Variants in CNKSR2 observed in about 807,000 individuals in gnomAD.
CNKSR2 encodes the protein connector enhancer of kinase suppressor of Ras 2.
In CNKSR2, 14 loss-of-function variants were observed where a neutral mutation model predicts 84.4. That is an observed-to-expected ratio of 0.17 (90% CI 0.11 to 0.26). The LOEUF is 0.26. CNKSR2 is among the 10% of genes least tolerant of loss of function. The pLI is 1.00. For missense variants in CNKSR2, 485 were observed against 771.2 expected (o/e 0.63, Z 4.40); for synonymous variants, 275 against 277.9 (o/e 0.99, Z 0.10).
intron 19 of CNKSR2, among the ~76,000 whole-genome samples, chrX:21,607,213 T>G (rs1480305851): frequency 8.9e-6 from 1 of 112,041 alleles, no homozygotes; most frequent in Non-Finnish European, 1.9e-5. Flanking sequence ...ACCTTATCTA[T>G]TCCACACTAA....
Position 21,502,002 on chromosome X carries a change from A to T in CNKSR2, c.810+414A>T, listed in dbSNP as rs138160589. On this transcript the variant is annotated intron_variant, in intron 8 of 21. Transcript: ENST00000379510. ...AACAGCATACATCCATTTATCTAAC[A>T]TTGATTTGTTCATTAAAGTATCTGG... 3.4e-3 allele frequency among the ~76,000 whole-genome samples: 374 copies of T among 108,885 alleles called. 8 individuals carry two copies. In the East Asian group the frequency reaches 0.08, roughly 23 times the overall value. The allele number at this position is 108,885 out of a possible 115,157, so 94.6% of individuals were successfully genotyped here. A position where few individuals can be genotyped will look rare whatever the true frequency, so the allele number is the denominator to read the frequency against.
chrX:21,518,637 AAAAAGGAC>A (rs2091752575), intron 9 of CNKSR2, among the ~76,000 whole-genome samples: 1 of 111,364 alleles, frequency 9.0e-6, no homozygotes, highest in Non-Finnish European at 1.9e-5. Context: ...AAACCTAGAG[AAAAAGGAC>A]TTTAATTTTA....
intron 11 of CNKSR2, among the ~76,000 whole-genome samples, chrX:21,547,746 G>T (rs949480357): frequency 9.0e-6 from 1 of 111,502 alleles, no homozygotes; most frequent in Non-Finnish European, 1.9e-5. Context: ...ACCACAGTGC[G>T]ATCAAATTAG....
chrX:21,445,699 A>G (rs1175090992), intron 4 of CNKSR2, among the ~76,000 whole-genome samples: 1 of 111,949 alleles, frequency 8.9e-6, no homozygotes. Flanking sequence ...AACATGTAAT[A>G]TTTATCTTTC....
At chrX:21,564,894 G>A (rs188470458) in intron 13 of CNKSR2, among the ~76,000 whole-genome samples, 2 of 111,083 alleles carry the variant, frequency 1.8e-5, no homozygotes, top group African/African-American at 6.5e-5. Flanking sequence ...ATGACTGATC[G>A]ATTGAATTAT....
intron 20 of CNKSR2, among the ~76,000 whole-genome samples, chrX:21,648,616 A>T (rs147681992): frequency 3.6e-5 from 4 of 110,164 alleles, no homozygotes; most frequent in African/African-American, 1.3e-4. Flanking sequence ...AGCTAATGTT[A>T]CCCAATATAA....
chrX:21,375,737 T>C (rs986275903), intron 1 of CNKSR2, among the ~76,000 whole-genome samples: 1 of 112,331 alleles, frequency 8.9e-6, no homozygotes, highest in Non-Finnish European at 1.9e-5. Context: ...TTCAGGTACC[T>C]TCACATTTCT....
intron 13 of CNKSR2, among the ~76,000 whole-genome samples, chrX:21,581,786 A>G (rs969809303): frequency 9.8e-5 from 11 of 112,193 alleles, no homozygotes; most frequent in Admixed American, 6.6e-4. Context: ...CTGAGTATAG[A>G]GTGGTGACCT....
At chrX:21,520,795 A>G (rs1479993096) in intron 9 of CNKSR2, among the ~76,000 whole-genome samples, 3 of 110,019 alleles carry the variant, frequency 2.7e-5, no homozygotes, top group African/African-American at 9.8e-5. Flanking sequence ...TATATAAAAT[A>G]ACATCAAGCT....
intron 13 of CNKSR2, among the ~76,000 whole-genome samples, chrX:21,573,331 T>G (rs972840839): frequency 6.3e-5 from 7 of 111,982 alleles, no homozygotes; most frequent in Non-Finnish European, 1.9e-5. Context: ...GATCTACCAT[T>G]CTGGGGTCTG....
At chrX:21,594,200 C>G (rs1350236928) in intron 15 of CNKSR2, 1 of 111,591 alleles carries the variant, frequency 9.0e-6, no homozygotes, top group Non-Finnish European at 1.9e-5. Flanking sequence ...GGCTATTATC[C>G]TTTGCAAATA....
chrX:21,562,332 T>C (rs777459594), intron 12 of CNKSR2, among the ~76,000 whole-genome samples: 2 of 111,530 alleles, frequency 1.8e-5, no homozygotes, highest in African/African-American at 6.5e-5. Flanking sequence ...AGAATGTAAG[T>C]TCACTAAGCT....
chrX:21,649,046 G>T lies in CNKSR2; in HGVS notation c.2889+19G>T. On this transcript the variant is annotated intron_variant, in intron 21 of 21. Coordinates refer to ENST00000379510, the MANE Select transcript of CNKSR2 (RefSeq NM_014927.5). ...TTTAAAGGTAAGACAAGAAATGGAA[G>T]GACAAATTTCTTTGAAGAGATTCAT... The T allele has an allele frequency of 9.1e-7, 1 of 1,096,301 alleles. No individual in the cohort carries two copies. The highest frequency in any genetic ancestry group is 1.2e-6 in the Non-Finnish European group (1 of 810,919). 90.3% of individuals were successfully genotyped at this position (1,096,301 alleles called of 1,213,427 possible). A position where few individuals can be genotyped will look rare whatever the true frequency, so the allele number is the denominator to read the frequency against.
intron 1 of CNKSR2, among the ~76,000 whole-genome samples, chrX:21,417,315 G>A (rs888890370): frequency 8.9e-6 from 1 of 111,898 alleles, no homozygotes; most frequent in Non-Finnish European, 1.9e-5. Flanking sequence ...AATGTTTTAA[G>A]GCTTGTTTTG....
At chrX:21,463,892 G>T (rs2091092737) in intron 4 of CNKSR2, among the ~76,000 whole-genome samples, 1 of 111,607 alleles carries the variant, frequency 9.0e-6, no homozygotes, top group African/African-American at 3.3e-5. Flanking sequence ...CTTCTTTGGA[G>T]CCACGAGCTA....
chrX:21,463,125 A>G (rs1239479252), intron 4 of CNKSR2, among the ~76,000 whole-genome samples: 1 of 111,614 alleles, frequency 9.0e-6, no homozygotes, highest in Non-Finnish European at 1.9e-5. Flanking sequence ...GGTATGATGT[A>G]TCACACTGAC....
At chrX:21,592,263 C>T (rs1292989930) in intron 15 of CNKSR2, 1 of 111,295 alleles carries the variant, frequency 9.0e-6, no homozygotes. Context: ...TGAATCAATG[C>T]CTGGCACATA....
chrX:21,393,619 A>G (rs762904274), intron 1 of CNKSR2, among the ~76,000 whole-genome samples: 1 of 112,407 alleles, frequency 8.9e-6, no homozygotes, highest in East Asian at 2.8e-4. Context: ...CAGTCTTATA[A>G]TAATTAACGA....
At chrX:21,631,054 G>A (rs982591837) in intron 20 of CNKSR2, among the ~76,000 whole-genome samples, 3 of 110,762 alleles carry the variant, frequency 2.7e-5, no homozygotes, top group African/African-American at 9.9e-5. Flanking sequence ...AACTGGCTGG[G>A]CCCAGTGGCT....
Sources: allele counts gnomAD v4.1 joint callset (sites outside exome capture counted in the v4.1 genomes callset), GRCh38; gene constraint gnomAD v4.1.1; transcripts MANE v1.5; gene names NCBI Gene and HGNC (gene_info 2026-07-23, HGNC 2026-07-21).